Variants in ATP13A5 observed in about 807,000 individuals in gnomAD.
ATP13A5 encodes probable cation-transporting ATPase 13A5.
In ATP13A5, 149 loss-of-function variants were observed where a neutral mutation model predicts 150.2. That is an observed-to-expected ratio of 0.99 (90% CI 0.87 to 1.14). The LOEUF is 1.14. ATP13A5 is among the 50% of genes most tolerant of loss of function. The pLI is 0.00. For synonymous variants in ATP13A5, 497 were observed against 522.2 expected, an observed-to-expected ratio of 0.95 and a Z score of 0.66; for missense variants, 1,383 against 1,449.3, an observed-to-expected ratio of 0.95 and a Z score of 0.74.
At chr3:193,334,818 G>T in intron 10 of ATP13A5, 111 bp downstream of exon 10, 2 of 944,864 alleles carry the variant, frequency 2.1e-6, no homozygotes, top group Non-Finnish European at 3.2e-6. Flanking sequence ...AAAAAAGCAT[G>T]TTGTTACTAC....
chr3:193,338,712 C>T (rs1483012122), intron 9 of ATP13A5, among the ~76,000 whole-genome samples: 1 of 152,154 alleles, frequency 6.6e-6, no homozygotes, highest in Non-Finnish European at 1.5e-5. Flanking sequence ...TGTTGTGTCT[C>T]TGCCAGGCTT....
rs1200450528 is a variant in ATP13A5, at chr3:193,334,735, A to T, written c.1114+194T>A. On this transcript the variant is annotated intron_variant, in intron 10 of 29. Transcript: ENST00000342358. ...ACTTCACCTACACATACCCTTCATC[A>T]CATAGAAGGGTTTTACCAATAAACC... Among the ~76,000 whole-genome samples, 7 of 152,336 alleles carry T rather than the reference A, an allele frequency of 4.6e-5. No homozygotes were observed. The East Asian group carries it at 1.3e-3, about 29-fold the overall frequency.
chr3:193,321,322 G>T (rs1406381529), intron 16 of ATP13A5, among the ~76,000 whole-genome samples: 1 of 152,114 alleles, frequency 6.6e-6, no homozygotes, highest in Non-Finnish European at 1.5e-5. Context: ...AGCTTTCTGT[G>T]TTTGTTGGCT....
rs1713055929 is a variant in ATP13A5 at position 193,362,568 on chromosome 3, C to A, written c.454G>T (p.Gly152Trp). ...GGGGTGACAAAACATTGTACTTACC[C>A]AACTTTCTGAAACCGCTTCTCCAGG... Reference protein sequence around the residue: ...NDLEKRFQKVGLLEDSNSCSD... With the variant: ...NDLEKRFQKVWLLEDSNSCSD... Residue 152 changes from glycine (G) to tryptophan (W), a missense_variant and splice_region_variant, in exon 4 of 30, where the codon GGG (glycine) becomes TGG (tryptophan). Physicochemically the swap from Gly to Trp is radical, Grantham distance 184. Around this residue, in one of 3 missense-constraint regions of ATP13A5, gnomAD observed 787 missense variants for 771.9 expected, o/e 1.02. Coordinates refer to ENST00000342358, the MANE Select transcript of ATP13A5 (RefSeq NM_198505.4). 6.2e-7 allele frequency: 1 copy of A among 1,614,124 alleles called. No homozygotes were observed.
At chr3:193,347,011 T>C (rs980594242) in intron 7 of ATP13A5, among the ~76,000 whole-genome samples, 1 of 152,194 alleles carries the variant, frequency 6.6e-6, no homozygotes, top group Non-Finnish European at 1.5e-5. Flanking sequence ...AATGTGAGTA[T>C]GTAAGAAATT....
At chr3:193,375,174 G>A (rs1332855327) in intron 1 of ATP13A5, among the ~76,000 whole-genome samples, 1 of 152,162 alleles carries the variant, frequency 6.6e-6, no homozygotes, top group African/African-American at 2.4e-5. Flanking sequence ...TGATAGGGAA[G>A]GAGAACAGGG....
rs189036873 is a variant in ATP13A5 at position 193,324,718 on chromosome 3, C to T, written c.1674+146G>A. 2.8e-4 allele frequency: 224 copies of T among 814,124 alleles called. No individual in the cohort carries two copies. In the African/African-American group the frequency reaches 3.7e-3, roughly 14 times the overall value. 50.4% of individuals were successfully genotyped at this position (814,124 alleles called of 1,614,324 possible). ...CCATTAACAGAATTCTTTGGGGGCA[C>T]AGGTTGGGAAGTTCTGGTAGTGTTA... On this transcript the variant is annotated intron_variant, in intron 14 of 29. Coordinates refer to ENST00000342358, the MANE Select transcript of ATP13A5 (RefSeq NM_198505.4).
At position 193,363,244 on chromosome 3, in the gene ATP13A5, C is replaced by A. The variant is rs139502900; in HGVS notation, c.376G>T (p.Glu126Ter). The A allele has an allele frequency of 9.9e-6, 16 of 1,612,508 alleles. No individual in the cohort carries two copies. The African/African-American group carries it at 2.1e-4, about 22-fold the overall frequency. Residue 126 changes from glutamate (E) to a stop codon, truncating the protein, a stop_gained, in exon 3 of 30, where the codon GAA (glutamate) becomes TAA (stop). Transcript: ENST00000342358. LOFTEE classifies it high-confidence loss of function. ...SVINQALIKP[E>*]LKLRCMEVQK... ...CCCTTCAAGTAACTTACTTTTAATTCTGGCTTTATTAAGGCTTGGTTTATG... is the reference window on the plus strand; with the variant it reads ...CCCTTCAAGTAACTTACTTTTAATTATGGCTTTATTAAGGCTTGGTTTATG...
intron 27 of ATP13A5, among the ~76,000 whole-genome samples, chr3:193,281,449 T>TAACCTCA (rs1477959611): frequency 6.6e-6 from 1 of 152,240 alleles, no homozygotes; most frequent in African/African-American, 2.4e-5. Flanking sequence ...TAGTTGCTGC[T>TAACCTCA]GCTGAGGAAA....
At chr3:193,347,614 T>A (rs1242694373) in intron 7 of ATP13A5, among the ~76,000 whole-genome samples, 2 of 151,710 alleles carry the variant, frequency 1.3e-5, no homozygotes, top group Non-Finnish European at 2.9e-5. Context: ...AGTGGTGAAG[T>A]ATGAGTTAAT....
rs771187111 is a variant in ATP13A5, at chr3:193,314,980, A to T, written c.2150T>A (p.Met717Lys). The stretch of plus-strand genomic sequence containing the variant: ...TAGAAACAAATACATACCTGTAATC[A>T]TCACAGTCCTGATACGGGCCTCACT... ...ELSEARIRTV[M>K]ITGDNLQTAI... Residue 717 changes from methionine to lysine, a missense_variant, in exon 18 of 30, where the codon ATG becomes AAG. Met to Lys is a moderately conservative substitution (Grantham distance 95). This residue lies in a region of ATP13A5 where 568 missense variants were observed against 621.5 expected (regional missense o/e 0.91). Transcript: ENST00000342358. 1 of 1,613,330 alleles carries T rather than the reference A, an allele frequency of 6.2e-7. No homozygotes were observed. The highest frequency in any genetic ancestry group is 8.5e-7 in the Non-Finnish European group (1 of 1,179,576).
At chr3:193,299,028 G>T (rs1718284543) in intron 25 of ATP13A5, 103 bp downstream of exon 25, 9 of 881,294 alleles carry the variant, frequency 1.0e-5, no homozygotes, top group Non-Finnish European at 1.4e-5. Flanking sequence ...TGAGGTTTTG[G>T]AAATAAGGGT....
In ATP13A5 at chr3:193,289,899, C is replaced by A; in HGVS notation, c.3009G>T (p.Glu1003Asp). The A allele has an allele frequency of 6.2e-7, 1 of 1,604,780 alleles. No individual in the cohort carries two copies. ...AATGAACTTACCTGTATTGGTAGAC[C>A]TCACAATACCAAGGCTGCTGCTTCA... Reference protein sequence around the residue: ...LYVKQQPWYCEVYQYSECFLA... With the variant: ...LYVKQQPWYCDVYQYSECFLA... The change falls in exon 26 of 30, where the codon GAG becomes GAT. Residue 1003 changes from glutamate (E) to aspartate (D), a missense_variant. By Grantham distance (45) the Glu-to-Asp change is conservative (BLOSUM62 2). Coordinates refer to ENST00000342358, the MANE Select transcript of ATP13A5 (RefSeq NM_198505.4).
At chr3:193,364,425 T>C in intron 1 of ATP13A5, 145 bp from the exon 2 acceptor site, 1 of 932,570 alleles carries the variant, frequency 1.1e-6, no homozygotes, top group South Asian at 1.7e-5. Flanking sequence ...GTTGACTGCT[T>C]GCAGCTGTCC....
rs997351803 is a variant in ATP13A5, at chr3:193,282,207, A to G, written c.3226+2707T>C. On this transcript the variant is annotated intron_variant, in intron 27 of 29. Coordinates refer to ENST00000342358, the MANE Select transcript of ATP13A5 (RefSeq NM_198505.4). ...AAGACTCCATCTCAATAATAATAAT[A>G]ATTAAAGTACTAGGCAACAAATATA... Among the ~76,000 whole-genome samples the G allele has an allele frequency of 3.3e-5, 5 of 152,170 alleles. No individual in the cohort carries two copies. The East Asian group carries it at 5.8e-4, about 18-fold the overall frequency.
At chr3:193,335,665 T>C (rs1013733033) in intron 9 of ATP13A5, among the ~76,000 whole-genome samples, 7 of 152,116 alleles carry the variant, frequency 4.6e-5, no homozygotes, top group African/African-American at 1.7e-4. Context: ...ATGGATCCCA[T>C]CCAAGTCCCA....
rs572728919 is a variant in ATP13A5 at position 193,305,695 on chromosome 3, C to T, written c.2569-27G>A. 7 of 1,601,350 alleles carry T rather than the reference C, an allele frequency of 4.4e-6. No homozygotes were observed. In the East Asian group the frequency reaches 1.6e-4, roughly 36 times the overall value. On this transcript the variant is annotated intron_variant, in intron 22 of 29. Transcript: ENST00000342358. ...TGGAATGATAAGCCCATGTCTCACC[C>T]ATGACTTTTCAGGTTAGGCTTTACC...
chr3:193,312,013 G>A, intron 19 of ATP13A5, 72 bp from the exon 20 acceptor site: 1 of 1,561,102 alleles, frequency 6.4e-7, no homozygotes, highest in Non-Finnish European at 8.7e-7. Context: ...CGTTATTGAA[G>A]GAAGAGTTTT....
chr3:193,317,899 T>C (rs1038129556), intron 17 of ATP13A5, among the ~76,000 whole-genome samples: 1 of 152,234 alleles, frequency 6.6e-6, no homozygotes, highest in Non-Finnish European at 1.5e-5. Flanking sequence ...ACTAGCTACA[T>C]AGATCTTTTC....
Sources: gnomAD v4.1 joint callset for allele counts (sites outside exome capture counted in the v4.1 genomes callset) on GRCh38, gnomAD v4.1.1 for gene constraint, gnomAD v4.1.1 regional missense constraint, MANE v1.5 for transcripts, NCBI Gene and HGNC (gene_info 2026-07-23, HGNC 2026-07-21) for gene names.